The following DYRK1B variants were observed in gnomAD, a reference collection of about 807,000 sequenced individuals.
The protein encoded by DYRK1B is dual specificity tyrosine-phosphorylation-regulated kinase 1B.
In DYRK1B, 20 loss-of-function variants were observed where a neutral mutation model predicts 57.1. The observed-to-expected ratio is 0.35, with a 90% CI of 0.25 to 0.51. The LOEUF (loss-of-function observed/expected upper bound fraction) is 0.51. DYRK1B is among the 20% of genes least tolerant of loss of function. The probability of loss-of-function intolerance (pLI) is 0.96; values close to 1 mark genes in which losing one functional copy is unlikely to be tolerated. For missense variants in DYRK1B, 732 were observed against 886.3 expected (o/e 0.83, Z 2.21); for synonymous variants, 409 against 384.7 (o/e 1.06, Z -0.74).
In DYRK1B at chr19:39,826,811, CCCCA is replaced by C; in HGVS notation, c.1268_1271del (p.Leu423ArgfsTer79). ...GGCGGAAGAAGCCGTGCTGCAGAGC[CCCCA>C]GGGGGCTGATGCGGGCGGCGGGCTC... On this transcript the variant is annotated frameshift_variant, in exon 9 of 11. Transcript: ENST00000323039. LOFTEE classifies it high-confidence loss of function. This position sits in a 1 kb window ranked among gnomAD's most constrained non-coding sequence, Gnocchi z 6.3. 6.6e-7 allele frequency: 1 copy of C among 1,521,932 alleles called. No individual in the cohort carries two copies. The highest frequency in any genetic ancestry group is 8.8e-7 in the Non-Finnish European group (1 of 1,136,692). The allele number at this position is 1,521,932 out of a possible 1,614,324, so 94.3% of individuals were successfully genotyped here.
At chr19:39,830,243 G>A (rs1322218675) in intron 4 of DYRK1B, 132 bp downstream of exon 4, 3 of 1,262,046 alleles carry the variant, frequency 2.4e-6, no homozygotes, top group Non-Finnish European at 3.3e-6. Flanking sequence ...TACAGAAAAG[G>A]CGACTGAGGC....
In DYRK1B at chr19:39,826,925, G is replaced by A. The variant is rs914360064; in HGVS notation, c.1158C>T (p.Pro386=). 21 of 1,424,054 alleles carry A rather than the reference G, an allele frequency of 1.5e-5. No individual in the cohort carries two copies. Among genetic ancestry groups the A allele is most frequent in the Middle Eastern group, 2.2e-4 (1 of 4,556 alleles). 88.2% of individuals were successfully genotyped at this position (1,424,054 alleles called of 1,614,324 possible). A position where few individuals can be genotyped will look rare whatever the true frequency, so the allele number is the denominator to read the frequency against. The change falls in exon 9 of 11, where the codon CCC becomes CCT. Residue 386 remains proline, a synonymous_variant. Transcript: ENST00000323039. The surrounding 1 kb of genome is among the most constrained non-coding windows in gnomAD (Gnocchi z 6.3). ...CCGGCTCCCCCGCCCGCCGGCCCCC[G>A]GGCCCGCCCGTCTGCACGCCCAGCA... ...QEVLGVQTGG[P]GGRRAGEPGH...
At position 39,828,273 on chromosome 19, in the gene DYRK1B, T is replaced by C; in HGVS notation, c.807+24A>G. ...GCCCCACCCAAACTACTAGCCGTGC[T>C]CCCAGGACCGGGCCGCCCCCTACCC... On this transcript the variant is annotated intron_variant, in intron 6 of 10. Transcript: ENST00000323039. The surrounding 1 kb of genome is among the most constrained non-coding windows in gnomAD (Gnocchi z 4.3). 6.2e-7 allele frequency: 1 copy of C among 1,610,918 alleles called. No individual in the cohort carries two copies. The highest frequency in any genetic ancestry group is 8.5e-7 in the Non-Finnish European group (1 of 1,178,612).
In DYRK1B at chr19:39,827,004, G is replaced by T; in HGVS notation, c.1096-17C>A. On this transcript the variant is annotated splice_polypyrimidine_tract_variant and intron_variant, in intron 8 of 10. Transcript: ENST00000323039. ...CTGGTAATCCTGGCAGGGAGGGGGT[G>T]GGAGGGGGGGCAAGAGAGTGGCCGT... 3 of 1,404,000 alleles carry T rather than the reference G, an allele frequency of 2.1e-6. No individual in the cohort carries two copies. Among genetic ancestry groups the T allele is most frequent in the Non-Finnish European group, 2.8e-6 (3 of 1,075,772 alleles). 87.0% of individuals were successfully genotyped at this position (1,404,000 alleles called of 1,614,324 possible).
chr19:39,825,440 AG>A lies in DYRK1B; in HGVS notation c.*274del, dbSNP rs917971829. On this transcript the variant is annotated 3_prime_UTR_variant, in exon 11 of 11. Transcript: ENST00000323039. ...CACCCCCTCCTAGGGTCCTGGGGTG[AG>A]GGGGGGTCTTCCCTCCACCGGACCA... 3.2e-5 allele frequency: 15 copies of A among 462,266 alleles called. No homozygotes were observed. The highest frequency in any genetic ancestry group is 4.3e-5 in the Non-Finnish European group (11 of 257,810). 28.6% of individuals were successfully genotyped at this position (462,266 alleles called of 1,614,324 possible).
rs930095937 is a variant in DYRK1B, at chr19:39,830,358, T to C, written c.372+17A>G. The C allele has an allele frequency of 2.5e-6, 4 of 1,613,816 alleles. No individual in the cohort carries two copies. Among genetic ancestry groups the C allele is most frequent in the Non-Finnish European group, 3.4e-6 (4 of 1,179,942 alleles). On this transcript the variant is annotated intron_variant, in intron 4 of 10. Transcript: ENST00000323039. ...TTAGTGGGGCCTTGGATCAGGGTGG[T>C]GGGGGGTGTCCCACACCTGGCCAAA...
chr19:39,831,726 C>G, intron 2 of DYRK1B, 79 bp downstream of exon 2: 2 of 1,525,862 alleles, frequency 1.3e-6, no homozygotes, highest in Non-Finnish European at 1.8e-6. Flanking sequence ...GGCAACCACA[C>G]TACCTTTTGG....
rs188338959 is a variant in DYRK1B, at chr19:39,833,401, G to A, written c.-102+622C>T. 1.9e-3 allele frequency: 1,823 copies of A among 973,064 alleles called. 29 individuals are homozygous for A. The African/African-American group carries it at 0.029, about 16-fold the overall frequency. 60.3% of individuals were successfully genotyped at this position (973,064 alleles called of 1,614,324 possible). A position where few individuals can be genotyped will look rare whatever the true frequency, so the allele number is the denominator to read the frequency against. On this transcript the variant is annotated intron_variant, in intron 1 of 10. Transcript: ENST00000323039. The stretch of plus-strand genomic sequence containing the variant: ...GCCTGTCTCTGGCCCGGCCGGCCCC[G>A]CGGCGGGGAGGGCAAGCGGGACAGG...
chr19:39,827,125 G>A (rs1968576885), intron 8 of DYRK1B, 138 bp from the exon 9 acceptor site: 1 of 1,119,030 alleles, frequency 8.9e-7, no homozygotes, highest in Non-Finnish European at 1.2e-6. Flanking sequence ...GGGTGGGAAG[G>A]AGAGATGGGA....
Position 39,829,977 on chromosome 19 carries a change from G to C in DYRK1B, c.423C>G (p.Ile141Met). 1 of 1,614,114 alleles carries C rather than the reference G, an allele frequency of 6.2e-7. No homozygotes were observed. Among genetic ancestry groups the C allele is most frequent in the Non-Finnish European group, 8.5e-7 (1 of 1,180,022 alleles). The change falls in exon 5 of 11, where the codon ATC (isoleucine) becomes ATG (methionine). Residue 141 changes from isoleucine (I) to methionine (M), a missense_variant. Around this residue, in one of 2 missense-constraint regions of DYRK1B, gnomAD observed 510 missense variants for 681.3 expected, o/e 0.75. Transcript: ENST00000323039. The part of the protein sequence containing the change: ...HQTQELVAIK[I>M]IKNKKAFLNQ... ...TCAGGAAAGCCTTTTTGTTCTTGAT[G>C]ATCTTGATGGCCACAAGCTCCTGGG... is the stretch of plus-strand genomic sequence containing the variant.
rs774335838 is a variant in DYRK1B, at chr19:39,830,525, C to T, written c.222G>A (p.Ala74=). The change falls in exon 4 of 11, where the codon GCG becomes GCA. Residue 74 remains alanine, a synonymous_variant. Transcript: ENST00000323039. The part of the protein sequence containing the change: ...YAKKKRRAQQ[A]PPQDSSNKKE... ...TCTTGTTGCTCGAATCCTGGGGTGG[C>T]GCCTGCTGGGCCCGCCGCTTCTTCT... is the stretch of plus-strand genomic sequence containing the variant. The T allele has an allele frequency of 1.9e-5, 31 of 1,613,934 alleles. No individual in the cohort carries two copies. Among genetic ancestry groups the T allele is most frequent in the Non-Finnish European group, 2.5e-5 (30 of 1,180,024 alleles).
intron 1 of DYRK1B, chr19:39,833,100 A>G (rs1968899569): frequency 1.0e-6 from 1 of 985,200 alleles, no homozygotes; most frequent in African/African-American, 1.7e-5. Context: ...GCTACAGCAA[A>G]AATCTTCTCC....
chr19:39,833,003 T>C (rs966280711), intron 1 of DYRK1B: 1 of 984,910 alleles, frequency 1.0e-6, no homozygotes, highest in Non-Finnish European at 1.2e-6. Context: ...TATACCAGGG[T>C]CATTCCACAA....
intron 6 of DYRK1B, 86 bp from the exon 7 acceptor site, chr19:39,827,742 C>T (rs1968607388): frequency 6.6e-7 from 1 of 1,508,428 alleles, no homozygotes; most frequent in South Asian, 1.2e-5. Context: ...CAACTGAGGA[C>T]AGGCTTCTTG....
chr19:39,827,630 G>C lies in DYRK1B; in HGVS notation c.834C>G (p.Phe278Leu). 2 of 1,614,084 alleles carry C rather than the reference G, an allele frequency of 1.2e-6. No homozygotes were observed. Among genetic ancestry groups the C allele is most frequent in the Non-Finnish European group, 1.7e-6 (2 of 1,179,970 alleles). The change falls in exon 7 of 11, where the codon TTC becomes TTG. Residue 278 changes from phenylalanine (F) to leucine (L), a missense_variant. Transcript: ENST00000323039. ...CCAGGAGCACCTCAGGTGAGCGGTAGAAGCGGCTCTGGATATACTGGTAGA... is the reference window on the plus strand; with the variant it reads ...CCAGGAGCACCTCAGGTGAGCGGTACAAGCGGCTCTGGATATACTGGTAGA... ...QRIYQYIQSR[F>L]YRSPEVLLGT...
At chr19:39,827,232 G>A (rs1304661477) in intron 8 of DYRK1B, 53 bp downstream of exon 8, 2 of 1,559,540 alleles carry the variant, frequency 1.3e-6, no homozygotes, top group African/African-American at 1.4e-5. Context: ...AGAGCCCCAA[G>A]TGTGAGTGAG....
At chr19:39,833,219 C>T (rs1258319914) in intron 1 of DYRK1B, 6 of 985,730 alleles carry the variant, frequency 6.1e-6, no homozygotes, top group African/African-American at 3.5e-5. Context: ...ACCTCTTCTC[C>T]GGGGCCCTCC....
Position 39,825,462 on chromosome 19 carries a change from G to A in DYRK1B, c.*253C>T. Reference sequence around the variant, plus strand: ...GTGAGGGGGGGTCTTCCCTCCACCGGACCACCACTGTCTTTGGTACAATAA... The same window carrying A: ...GTGAGGGGGGGTCTTCCCTCCACCGAACCACCACTGTCTTTGGTACAATAA... On this transcript the variant is annotated 3_prime_UTR_variant, in exon 11 of 11. Transcript: ENST00000323039. 1 of 513,068 alleles carries A rather than the reference G, an allele frequency of 1.9e-6. No homozygotes were observed. Among genetic ancestry groups the A allele is most frequent in the Non-Finnish European group, 3.5e-6 (1 of 288,812 alleles). 31.8% of individuals were successfully genotyped at this position (513,068 alleles called of 1,614,324 possible).
chr19:39,826,646 C>T lies in DYRK1B; in HGVS notation c.1411+26G>A, dbSNP rs1968552190. The T allele has an allele frequency of 2.6e-6, 4 of 1,566,956 alleles. No homozygotes were observed. Among genetic ancestry groups the T allele is most frequent in the African/African-American group, 1.4e-5 (1 of 73,072 alleles). On this transcript the variant is annotated intron_variant, in intron 9 of 10. Transcript: ENST00000323039. The surrounding 1 kb of genome is among the most constrained non-coding windows in gnomAD (Gnocchi z 6.3). The stretch of plus-strand genomic sequence containing the variant: ...ACCTGAGCAGCCCCCACCCGTTGTA[C>T]CCCATTTGGGCACCTGGGCACCCAC...
Sources: allele counts gnomAD v4.1 joint callset, GRCh38; gene constraint gnomAD v4.1.1; regional missense constraint gnomAD v4.1.1; non-coding constraint Gnocchi (gnomAD v3.1); transcripts MANE v1.5; gene names NCBI Gene and HGNC (gene_info 2026-07-23, HGNC 2026-07-21).